The following PAK5 variants were observed in gnomAD, a reference collection of about 807,000 sequenced individuals.
PAK5 encodes p21 (RAC1) activated kinase 5.
PAK5 carries 16 observed loss-of-function variants against 65.9 expected under a neutral mutation model. That is an observed-to-expected ratio of 0.24 (90% CI 0.16 to 0.37). PAK5 has a LOEUF of 0.37. Among genes scored for constraint, PAK5 ranks in the 10% least tolerant of loss-of-function variants. The pLI, the probability that PAK5 is intolerant of heterozygous loss-of-function variation, is 1.00. For missense variants in PAK5, 785 were observed against 903.9 expected (o/e 0.87, Z 1.69); for synonymous variants, 371 against 354.9 (o/e 1.05, Z -0.51).
Position 9,557,663 on chromosome 20 carries a change from C to T in PAK5, c.1688G>A (p.Gly563Glu). 1 of 1,612,090 alleles carries T rather than the reference C, an allele frequency of 6.2e-7. No homozygotes were observed. Among genetic ancestry groups the T allele is most frequent in the Non-Finnish European group, 8.5e-7 (1 of 1,178,514 alleles). ...ACTTTTTATGTCCCTGTGAATCACT[C>T]CTTGGTTATGAAGGTAGGAGAGAGC... ...LRALSYLHNQ[G>E]VIHRDIKSDS... Residue 563 changes from glycine to glutamate, a missense_variant, in exon 7 of 10, where the codon GGA (glycine) becomes GAA (glutamate). Physicochemically the swap from Gly to Glu is moderately conservative, Grantham distance 98. Around this residue, in one of 4 missense-constraint regions of PAK5, gnomAD observed 182 missense variants for 273.0 expected, o/e 0.67. Transcript: ENST00000353224.
intron 2 of PAK5, among the ~76,000 whole-genome samples, chr20:9,694,294 G>A (rs960091173): frequency 1.5e-4 from 19 of 124,268 alleles, no homozygotes; most frequent in African/African-American, 5.5e-4. Context: ...AGTGATGGCC[G>A]TGTGTGTGTT....
chr20:9,761,168 C>T (rs1234923302), intron 1 of PAK5, among the ~76,000 whole-genome samples: 9 of 152,134 alleles, frequency 5.9e-5, no homozygotes, highest in Admixed American at 5.9e-4. Flanking sequence ...TTTTCCTGAT[C>T]CCACTGTTTT....
intron 2 of PAK5, among the ~76,000 whole-genome samples, chr20:9,710,306 G>C (rs553912485): frequency 6.6e-5 from 10 of 152,198 alleles, no homozygotes; most frequent in African/African-American, 2.4e-4. Flanking sequence ...ATTTTGGGCA[G>C]AATTTTCTTT....
At chr20:9,701,811 C>A (rs2047942499) in intron 2 of PAK5, among the ~76,000 whole-genome samples, 1 of 151,942 alleles carries the variant, frequency 6.6e-6, no homozygotes, top group Non-Finnish European at 1.5e-5. Flanking sequence ...GCAGCCAGGG[C>A]AACATAGCAA....
chr20:9,763,052 A>G (rs936533920), intron 1 of PAK5, among the ~76,000 whole-genome samples: 5 of 152,158 alleles, frequency 3.3e-5, no homozygotes, highest in African/African-American at 1.2e-4. Flanking sequence ...CTATACGTGA[A>G]ATCTAAAATA....
intron 1 of PAK5, among the ~76,000 whole-genome samples, chr20:9,779,816 C>G (rs919008033): frequency 6.6e-6 from 1 of 151,928 alleles, no homozygotes; most frequent in African/African-American, 2.4e-5. Context: ...CAGCAAAGGG[C>G]AAATATATTA....
chr20:9,571,705 A>G (rs1179392383), intron 4 of PAK5, among the ~76,000 whole-genome samples: 1 of 152,226 alleles, frequency 6.6e-6, no homozygotes, highest in African/African-American at 2.4e-5. Context: ...CAATTAAATA[A>G]GCTCTGTAAT....
chr20:9,784,742 G>A (rs529057697), intron 1 of PAK5, among the ~76,000 whole-genome samples: 1 of 151,836 alleles, frequency 6.6e-6, no homozygotes, highest in South Asian at 2.1e-4. Context: ...AGACATAGAT[G>A]GATCGTATTC....
intron 2 of PAK5, among the ~76,000 whole-genome samples, chr20:9,679,780 A>T (rs188221575): frequency 2.0e-5 from 3 of 152,312 alleles, no homozygotes; most frequent in African/African-American, 7.2e-5. Context: ...TTCAAATAAA[A>T]TCCCAACAGA....
intron 2 of PAK5, among the ~76,000 whole-genome samples, chr20:9,646,006 G>A (rs1005962467): frequency 1.3e-5 from 2 of 152,204 alleles, no homozygotes; most frequent in Admixed American, 1.3e-4. Flanking sequence ...ATCCATGAGG[G>A]AAAGGATGCT....
At chr20:9,743,031 T>C (rs905546598) in intron 1 of PAK5, among the ~76,000 whole-genome samples, 1 of 152,170 alleles carries the variant, frequency 6.6e-6, no homozygotes, top group African/African-American at 2.4e-5. Context: ...TGCTGGAGAA[T>C]GGACTTTAGT....
At chr20:9,773,487 A>G (rs901109349) in intron 1 of PAK5, among the ~76,000 whole-genome samples, 47 of 151,988 alleles carry the variant, frequency 3.1e-4, no homozygotes, top group African/African-American at 8.0e-4. Context: ...AGTTTGGTAA[A>G]TTTCACTTCT....
chr20:9,818,572 T>G (rs908396402), intron 1 of PAK5: 1 of 152,194 alleles, frequency 6.6e-6, no homozygotes, highest in Non-Finnish European at 1.5e-5. Context: ...ATTCAAAGCA[T>G]TCCAAGGAAA....
intron 7 of PAK5, among the ~76,000 whole-genome samples, chr20:9,557,214 G>T (rs2045521050): frequency 6.6e-6 from 1 of 152,140 alleles, no homozygotes; most frequent in Non-Finnish European, 1.5e-5. Context: ...CCCAAGTGGA[G>T]TTGATCATCT....
chr20:9,667,351 C>CTATCTTGGA (rs1555910873), intron 2 of PAK5, among the ~76,000 whole-genome samples: 10 of 144,334 alleles, frequency 6.9e-5, no homozygotes, highest in East Asian at 2.4e-4. Context: ...CAGAGTTATG[C>CTATCTTGGA]TTTGCCAGTC....
rs1222415507 is a variant in PAK5 at position 9,542,794 on chromosome 20, C to T, written c.1870-74G>A. 3.0e-6 allele frequency: 4 copies of T among 1,313,322 alleles called. No homozygotes were observed. In the East Asian group the frequency reaches 9.3e-5, roughly 30 times the overall value. The allele number at this position is 1,313,322 out of a possible 1,614,324, so 81.4% of individuals were successfully genotyped here. A position where few individuals can be genotyped will look rare whatever the true frequency, so the allele number is the denominator to read the frequency against. ...AATGTCAAGTGTGTCCACAGAACCT[C>T]ATACTCATTCACAAGTGACTATGGC... On this transcript the variant is annotated intron_variant, in intron 8 of 9. Transcript: ENST00000353224.
chr20:9,788,666 C>T (rs1195286941), intron 1 of PAK5, among the ~76,000 whole-genome samples: 2 of 152,100 alleles, frequency 1.3e-5, no homozygotes, highest in African/African-American at 4.8e-5. Context: ...CACTGTTGTA[C>T]TTTCATGTTT....
chr20:9,773,815 T>A (rs368692002), intron 1 of PAK5, among the ~76,000 whole-genome samples: 2 of 152,170 alleles, frequency 1.3e-5, no homozygotes, highest in African/African-American at 4.8e-5. Flanking sequence ...ATTTTGCAGG[T>A]GAAGAAAACA....
intron 3 of PAK5, among the ~76,000 whole-genome samples, chr20:9,588,477 C>T (rs1163396571): frequency 3.3e-5 from 5 of 152,128 alleles, no homozygotes; most frequent in African/African-American, 1.2e-4. Context: ...TTGTTAAAAA[C>T]AAATTAGTGC....
Sources: gnomAD v4.1 joint callset for allele counts (sites outside exome capture counted in the v4.1 genomes callset) on GRCh38, gnomAD v4.1.1 for gene constraint, gnomAD v4.1.1 regional missense constraint, MANE v1.5 for transcripts, NCBI Gene and HGNC (gene_info 2026-07-23, HGNC 2026-07-21) for gene names.